Variants in MPRIP observed in about 807,000 individuals in gnomAD.
MPRIP encodes myosin phosphatase Rho interacting protein, also known as myosin phosphatase Rho-interacting protein.
MPRIP carries 59 observed loss-of-function variants against 234.9 expected under a neutral mutation model. That is an observed-to-expected ratio of 0.25 (90% CI 0.20 to 0.31). The LOEUF (loss-of-function observed/expected upper bound fraction) is 0.31, where lower values mean the gene tolerates loss of function less well. Ranked by LOEUF, MPRIP falls within the 10% of genes least tolerant of loss-of-function variation. The pLI is 1.00. For missense variants in MPRIP, 2,436 were observed against 3,071.0 expected (o/e 0.79, Z 4.89); for synonymous variants, 1,144 against 1,263.9 (o/e 0.91, Z 2.01).
intron 23 of MPRIP, chr17:17,180,458 G>A: frequency 1.3e-6 from 1 of 776,392 alleles, no homozygotes; most frequent in Non-Finnish European, 2.3e-6. Context: ...AGATGATGCT[G>A]CCTGCTCTTG....
chr17:17,111,158 C>CAA (rs542344107), intron 3 of MPRIP, among the ~76,000 whole-genome samples: 2 of 60,644 alleles, frequency 3.3e-5, no homozygotes, highest in Non-Finnish European at 6.3e-5. Flanking sequence ...AAAAAAAAAC[C>CAA]AAAAAAAAAA....
chr17:17,107,531 A>G (rs1262049550), intron 3 of MPRIP, among the ~76,000 whole-genome samples: 1 of 152,222 alleles, frequency 6.6e-6, no homozygotes, highest in Non-Finnish European at 1.5e-5. Flanking sequence ...AGACACCTGC[A>G]TCATCTCACG....
intron 3 of MPRIP, among the ~76,000 whole-genome samples, chr17:17,092,246 G>A (rs1044742067): frequency 2.0e-5 from 3 of 152,228 alleles, no homozygotes; most frequent in African/African-American, 7.2e-5. Context: ...CATCCATGTG[G>A]CCAGACTTCA....
chr17:17,144,228 C>A (rs2045406264), intron 9 of MPRIP, among the ~76,000 whole-genome samples: 1 of 152,236 alleles, frequency 6.6e-6, no homozygotes, highest in Non-Finnish European at 1.5e-5. Context: ...GAGCCTGGGG[C>A]CTGCTCACTG....
At chr17:17,103,628 C>T (rs948769116) in intron 3 of MPRIP, among the ~76,000 whole-genome samples, 3 of 152,200 alleles carry the variant, frequency 2.0e-5, no homozygotes, top group Admixed American at 2.0e-4. Flanking sequence ...AAGTAATTTC[C>T]AGTGGGTTGT....
intron 1 of MPRIP, among the ~76,000 whole-genome samples, chr17:17,054,559 CTGAA>C (rs2088636628): frequency 6.6e-6 from 1 of 152,128 alleles, no homozygotes; most frequent in African/African-American, 2.4e-5. Context: ...GTCCAGTTCA[CTGAA>C]TGTGCACATC....
At chr17:17,104,240 C>T (rs931553918) in intron 3 of MPRIP, among the ~76,000 whole-genome samples, 4 of 152,182 alleles carry the variant, frequency 2.6e-5, no homozygotes, top group African/African-American at 9.7e-5. Context: ...TGACCATGTG[C>T]CTGCACCATC....
Position 17,161,376 on chromosome 17 carries a change from G to A in MPRIP, c.2517+20G>A. 6.6e-7 allele frequency: 1 copy of A among 1,507,306 alleles called. No homozygotes were observed. The highest frequency in any genetic ancestry group is 9.1e-7 in the Non-Finnish European group (1 of 1,101,472). The allele number at this position is 1,507,306 out of a possible 1,614,324, so 93.4% of individuals were successfully genotyped here. A position where few individuals can be genotyped will look rare whatever the true frequency, so the allele number is the denominator to read the frequency against. ...CTGCAGGTAGGGTGGAGGGGCTGCTGTGGCCCATGGTGCGCTCAGGAGCTT... is the reference window on the plus strand; with the variant it reads ...CTGCAGGTAGGGTGGAGGGGCTGCTATGGCCCATGGTGCGCTCAGGAGCTT... On this transcript the variant is annotated intron_variant, in intron 15 of 23. Transcript: ENST00000651222.
chr17:17,046,342 C>T (rs1012641262), intron 1 of MPRIP, among the ~76,000 whole-genome samples: 44 of 152,192 alleles, frequency 2.9e-4, no homozygotes, highest in African/African-American at 8.4e-4. Flanking sequence ...GTGAATGTTT[C>T]GGCAAAGAGT....
chr17:17,062,791 C>T (rs1402955091), intron 1 of MPRIP, among the ~76,000 whole-genome samples: 2 of 152,216 alleles, frequency 1.3e-5, no homozygotes, highest in African/African-American at 2.4e-5. Context: ...GCTCTTCCCA[C>T]ATCAGGAATG....
In MPRIP at chr17:17,167,855, C is replaced by T; in HGVS notation, c.6264C>T (p.Asp2088=). 1 of 1,304,208 alleles carries T rather than the reference C, an allele frequency of 7.7e-7. No individual in the cohort carries two copies. The allele number at this position is 1,304,208 out of a possible 1,614,324, so 80.8% of individuals were successfully genotyped here. A position where few individuals can be genotyped will look rare whatever the true frequency, so the allele number is the denominator to read the frequency against. The stretch of plus-strand genomic sequence containing the variant: ...TGCGGGAGGAGCTGGGACACAAGGA[C>T]CTGGAGGGCGACGCGGCCACACTGC... ...DVMREELGHK[D]LEGDAATLRE... is the part of the protein sequence containing the mutation. Residue 2088 remains aspartate (D), a synonymous_variant, in exon 16 of 24, where the codon GAC becomes GAT. Transcript: ENST00000651222. This position sits in a 1 kb window ranked among gnomAD's most constrained non-coding sequence, Gnocchi z 5.9.
rs1382494934 is a variant in MPRIP at position 17,192,214 on chromosome 17, A to G, written c.*7320A>G. 6.6e-6 allele frequency: 1 copy of G among 152,154 alleles called. No homozygotes were observed. The highest frequency in any genetic ancestry group is 1.5e-5 in the Non-Finnish European group (1 of 68,032). The allele number at this position is 152,154 out of a possible 1,614,324, so 9.4% of individuals were successfully genotyped here. A position where few individuals can be genotyped will look rare whatever the true frequency, so the allele number is the denominator to read the frequency against. ...AAAAGAAGCAGCTTGTATAATTCCA[A>G]CTGGTGTTTCATTTCTGTTCTAATG... On this transcript the variant is annotated 3_prime_UTR_variant, in exon 24 of 24. Coordinates refer to ENST00000651222, the MANE Select transcript of MPRIP (RefSeq NM_001364716.4).
At chr17:17,122,425 C>T (rs1189536377) in intron 3 of MPRIP, among the ~76,000 whole-genome samples, 1 of 152,230 alleles carries the variant, frequency 6.6e-6, no homozygotes, top group Non-Finnish European at 1.5e-5. Flanking sequence ...GCAATCTCGG[C>T]TCACTGCAAG....
Position 17,164,788 on chromosome 17 carries a change from A to G in MPRIP, c.3197A>G (p.Lys1066Arg), listed in dbSNP as rs2045946584. ...GCACAGCAGGTGGAGACCCTGCAGA[A>G]GGAGAAGCTGAGCGCCACTTTCGAG... ...GQAQQVETLQKEKLSATFEGS... is the reference protein window; with the variant it reads ...GQAQQVETLQREKLSATFEGS... Residue 1066 changes from lysine (K) to arginine (R), a missense_variant, in exon 16 of 24, where the codon AAG (lysine) becomes AGG (arginine). By Grantham distance (26) the Lys-to-Arg change is conservative. This residue lies in a region of MPRIP where 1,998 missense variants were observed against 2,520.3 expected (regional missense o/e 0.79). Coordinates refer to ENST00000651222, the MANE Select transcript of MPRIP (RefSeq NM_001364716.4). 2 of 1,304,112 alleles carry G rather than the reference A, an allele frequency of 1.5e-6. No homozygotes were observed. The highest frequency in any genetic ancestry group is 3.0e-5 in the African/African-American group (2 of 65,884). 80.8% of individuals were successfully genotyped at this position (1,304,112 alleles called of 1,614,324 possible). A position where few individuals can be genotyped will look rare whatever the true frequency, so the allele number is the denominator to read the frequency against.
chr17:17,146,524 G>C (rs1293671377), intron 10 of MPRIP, among the ~76,000 whole-genome samples: 1 of 152,234 alleles, frequency 6.6e-6, no homozygotes, highest in East Asian at 1.9e-4. Context: ...TCTCATGCCA[G>C]AGACCCCTCA....
intron 12 of MPRIP, among the ~76,000 whole-genome samples, chr17:17,153,765 A>T (rs550088687): frequency 1.3e-5 from 2 of 152,158 alleles, no homozygotes; most frequent in African/African-American, 4.8e-5. Flanking sequence ...GTAACCACCC[A>T]GCAGGTCTCC....
chr17:17,161,889 G>A (rs937559958), intron 15 of MPRIP, among the ~76,000 whole-genome samples: 5 of 152,120 alleles, frequency 3.3e-5, no homozygotes, highest in Admixed American at 1.3e-4. Context: ...GCCCAACCCC[G>A]GGATACCTCC....
At chr17:17,179,041 C>T (rs1480210230) in intron 22 of MPRIP, among the ~76,000 whole-genome samples, 2 of 152,100 alleles carry the variant, frequency 1.3e-5, no homozygotes, top group African/African-American at 2.4e-5. Flanking sequence ...AGAGGGCGGG[C>T]GTGGTGGCAC....
At chr17:17,096,294 T>G (rs1234198650) in intron 3 of MPRIP, among the ~76,000 whole-genome samples, 1 of 3,488 alleles carries the variant, frequency 2.9e-4, no homozygotes, top group African/African-American at 7.6e-4. Context: ...GCAGGGTGTG[T>G]GTGTGTGTGT....
Sources: gnomAD v4.1 joint callset for allele counts (sites outside exome capture counted in the v4.1 genomes callset) on GRCh38, gnomAD v4.1.1 for gene constraint, gnomAD v4.1.1 regional missense constraint, Gnocchi (gnomAD v3.1) non-coding constraint, MANE v1.5 for transcripts, NCBI Gene and HGNC (gene_info 2026-07-23, HGNC 2026-07-21) for gene names.